The following UGT1A8 variants were observed in gnomAD, a reference collection of about 807,000 sequenced individuals.
UGT1A8 encodes the protein UDP-glucuronosyltransferase 1A8.
UGT1A8 carries 39 observed loss-of-function variants against 45.3 expected under a neutral mutation model. The ratio of observed to expected loss-of-function variants is 0.86; its 90% CI spans 0.67 to 1.12. UGT1A8 has a LOEUF of 1.12. UGT1A8 is among the 50% of genes most tolerant of loss of function. The pLI is 0.00. For missense variants in UGT1A8, 719 were observed against 664.9 expected (o/e 1.08, Z -0.90); for synonymous variants, 275 against 249.2 (o/e 1.10, Z -0.97).
rs2077836996 is a variant in UGT1A8 at position 233,729,318 on chromosome 2, G to C, written c.856-37716G>C. The stretch of plus-strand genomic sequence containing the variant: ...ACCAGGCAGTGGTCCTCACCCCAGA[G>C]GTGAATATGCACATCAAAGAAGAGA... On this transcript the variant is annotated intron_variant, in intron 1 of 4. Transcript: ENST00000373450. 5 of 1,614,128 alleles carry C rather than the reference G, an allele frequency of 3.1e-6. No homozygotes were observed. In the Middle Eastern group the frequency reaches 6.6e-4, roughly 212 times the overall value.
Position 233,672,130 on chromosome 2 carries a change from C to T in UGT1A8, c.855+53568C>T, listed in dbSNP as rs111722751. 1.2e-3 allele frequency: 1,888 copies of T among 1,614,174 alleles called. 26 individuals are homozygous for T. In the African/African-American group the frequency reaches 0.022, roughly 19 times the overall value. ...AGTCATGCCAGAGGTGAGTTGGCAA[C>T]TGGGAAGATCACTGAATTGCACAGT... On this transcript the variant is annotated intron_variant, in intron 1 of 4. Coordinates refer to ENST00000373450, the MANE Select transcript of UGT1A8 (RefSeq NM_019076.5).
At chr2:233,653,682 T>A (rs1388617758) in intron 1 of UGT1A8, among the ~76,000 whole-genome samples, 1 of 152,200 alleles carries the variant, frequency 6.6e-6, no homozygotes, top group Non-Finnish European at 1.5e-5. Context: ...CTGCAACATC[T>A]GCTGCCCGAG....
Position 233,772,406 on chromosome 2 carries a change from G to A in UGT1A8, c.1440G>A (p.Trp480Ter), listed in dbSNP as rs866632307. Residue 480 changes from tryptophan to a stop codon, truncating the protein, a stop_gained, in exon 5 of 5, where the codon TGG (tryptophan) becomes TGA (stop). Transcript: ENST00000373450. LOFTEE classifies it high-confidence loss of function. ...GCCCCGCAGCCCACGACCTCACCTGGTACCAGTACCATTCCTTGGACGTGA... is the reference window on the plus strand; with the variant it reads ...GCCCCGCAGCCCACGACCTCACCTGATACCAGTACCATTCCTTGGACGTGA... The part of the protein sequence containing the change: ...HLRPAAHDLT[W>*]YQYHSLDVIG... 1 of 1,614,238 alleles carries A rather than the reference G, an allele frequency of 6.2e-7. No homozygotes were observed. Among genetic ancestry groups the A allele is most frequent in the Middle Eastern group, 1.6e-4 (1 of 6,062 alleles).
At chr2:233,714,411 G>A (rs2076385776) in intron 1 of UGT1A8, among the ~76,000 whole-genome samples, 1 of 152,178 alleles carries the variant, frequency 6.6e-6, no homozygotes, top group African/African-American at 2.4e-5. Context: ...ATGGATGTCT[G>A]TGATCAGAGA....
At chr2:233,744,266 A>G (rs1300904192) in intron 1 of UGT1A8, among the ~76,000 whole-genome samples, 1 of 151,778 alleles carries the variant, frequency 6.6e-6, no homozygotes, top group Admixed American at 6.5e-5. Flanking sequence ...GTTTTTCTTA[A>G]AGTAGGCTTT....
intron 1 of UGT1A8, chr2:233,637,112 T>C: frequency 6.2e-7 from 1 of 1,613,976 alleles, no homozygotes; most frequent in Non-Finnish European, 8.5e-7. Context: ...CTCTTAGGGT[T>C]CTCAGATGCC....
At chr2:233,677,651 G>A (rs1277496888) in intron 1 of UGT1A8, among the ~76,000 whole-genome samples, 1 of 151,910 alleles carries the variant, frequency 6.6e-6, no homozygotes, top group Non-Finnish European at 1.5e-5. Flanking sequence ...CAGTTAGAAT[G>A]GCTGTTATTA....
chr2:233,768,469 G>A (rs1403858659), intron 4 of UGT1A8, 30 bp downstream of exon 4: 1 of 1,603,172 alleles, frequency 6.2e-7, no homozygotes, highest in African/African-American at 1.3e-5. Flanking sequence ...AGAATACTTT[G>A]GTCATGGCAT....
intron 1 of UGT1A8, among the ~76,000 whole-genome samples, chr2:233,654,894 T>G (rs2073822021): frequency 6.6e-6 from 1 of 152,050 alleles, no homozygotes; most frequent in South Asian, 2.1e-4. Flanking sequence ...GAGTTCGAGA[T>G]CAGTCTGGCC....
intron 1 of UGT1A8, among the ~76,000 whole-genome samples, chr2:233,766,238 C>T (rs1302165333): frequency 6.6e-6 from 1 of 151,910 alleles, no homozygotes; most frequent in Non-Finnish European, 1.5e-5. Flanking sequence ...GAAGGGTTTC[C>T]CCTGGAGTCA....
intron 1 of UGT1A8, among the ~76,000 whole-genome samples, chr2:233,666,039 G>A (rs1039161158): frequency 6.6e-6 from 1 of 152,174 alleles, no homozygotes; most frequent in Non-Finnish European, 1.5e-5. Flanking sequence ...TCATTCAGGC[G>A]ATACAAGAAG....
chr2:233,634,397 T>C (rs368767792), intron 1 of UGT1A8, among the ~76,000 whole-genome samples: 1 of 152,210 alleles, frequency 6.6e-6, no homozygotes, highest in Non-Finnish European at 1.5e-5. Flanking sequence ...CTGTCTAATA[T>C]TGACAATGGA....
intron 1 of UGT1A8, among the ~76,000 whole-genome samples, chr2:233,666,127 GATCACATGGCT>G: frequency 6.6e-6 from 1 of 152,210 alleles, no homozygotes; most frequent in Non-Finnish European, 1.5e-5. Context: ...GGAGGGTGCT[GATCACATGGCT>G]AGAGAGAAGC....
intron 1 of UGT1A8, among the ~76,000 whole-genome samples, chr2:233,656,954 C>G (rs1478956701): frequency 5.9e-5 from 9 of 151,566 alleles, no homozygotes; most frequent in Non-Finnish European, 1.5e-5. Context: ...GTGAGTCTTC[C>G]TGAAACAGGT....
At chr2:233,753,567 A>C (rs1321356357) in intron 1 of UGT1A8, 2 of 152,130 alleles carry the variant, frequency 1.3e-5, no homozygotes, top group African/African-American at 4.8e-5. Context: ...AGAAGATGGG[A>C]CCCTTTGTGA....
intron 1 of UGT1A8, among the ~76,000 whole-genome samples, chr2:233,686,811 C>G (rs901755275): frequency 1.2e-4 from 18 of 152,132 alleles, no homozygotes; most frequent in African/African-American, 4.3e-4. Flanking sequence ...GTTACTTTTC[C>G]CTACCTATTT....
intron 4 of UGT1A8, chr2:233,770,235 A>G (rs930818021): frequency 6.6e-6 from 1 of 152,226 alleles, no homozygotes; most frequent in Non-Finnish European, 1.5e-5. Flanking sequence ...GTGAATCTCC[A>G]TGATTCCAAC....
rs915340474 is a variant in UGT1A8, at chr2:233,634,943, T to C, written c.855+16381T>C. On this transcript the variant is annotated intron_variant, in intron 1 of 4. Transcript: ENST00000373450. The stretch of plus-strand genomic sequence containing the variant: ...ATGTTTGTGCAGTGGCTGGTACCGG[T>C]TTTTTCTTTCCATATTTAGTGCTTC... 3.4e-4 allele frequency among the ~76,000 whole-genome samples: 51 copies of C among 150,680 alleles called. 3 individuals are homozygous for C. The highest frequency in any genetic ancestry group is 1.2e-3 in the African/African-American group (48 of 40,684).
chr2:233,631,856 T>C (rs911315897), intron 1 of UGT1A8, among the ~76,000 whole-genome samples: 1 of 152,214 alleles, frequency 6.6e-6, no homozygotes, highest in African/African-American at 2.4e-5. Flanking sequence ...CATTTCTCAA[T>C]TTTGGCTTTT....
Sources: gnomAD v4.1 joint callset for allele counts (sites outside exome capture counted in the v4.1 genomes callset) on GRCh38, gnomAD v4.1.1 for gene constraint, MANE v1.5 for transcripts, NCBI Gene and HGNC (gene_info 2026-07-23, HGNC 2026-07-21) for gene names.